Variants in ANK2 observed in about 807,000 individuals in gnomAD.
ANK2 encodes the protein ankyrin-2.
A neutral mutation model predicts 360.5 loss-of-function variants in ANK2; 83 were observed. That is an observed-to-expected ratio of 0.23 (90% CI 0.19 to 0.28). ANK2 has a LOEUF of 0.28. ANK2 is among the 10% of genes least tolerant of loss of function. ANK2 has a pLI of 1.00. For synonymous variants in ANK2, 1,740 were observed against 1,759.5 expected (o/e 0.99, Z 0.28); for missense variants, 4,201 against 4,795.7 (o/e 0.88, Z 3.66).
chr4:113,199,133 A>G, intron 4 of ANK2, 24 bp downstream of exon 4: 1 of 1,531,294 alleles, frequency 6.5e-7, no homozygotes, highest in South Asian at 1.1e-5. Context: ...ATTTTCCCTG[A>G]TGTACATACA....
chr4:113,001,207 T>C (rs564248408), intron 2 of ANK2, among the ~76,000 whole-genome samples: 1 of 151,986 alleles, frequency 6.6e-6, no homozygotes, highest in African/African-American at 2.4e-5. Flanking sequence ...GGCAGGTGCC[T>C]GTAATCCCAG....
At chr4:113,253,058 C>T (rs545520918) in intron 10 of ANK2, among the ~76,000 whole-genome samples, 1 of 152,306 alleles carries the variant, frequency 6.6e-6, no homozygotes, top group South Asian at 2.1e-4. Flanking sequence ...AAGATAATTT[C>T]CAGAGACTCC....
At chr4:113,255,389 G>A (rs1425700293) in intron 10 of ANK2, among the ~76,000 whole-genome samples, 1 of 152,172 alleles carries the variant, frequency 6.6e-6, no homozygotes, top group Non-Finnish European at 1.5e-5. Flanking sequence ...AGACTGCTAT[G>A]CATGGAGTTG....
At chr4:113,253,347 C>G (rs745611763) in intron 10 of ANK2, among the ~76,000 whole-genome samples, 21 of 152,142 alleles carry the variant, frequency 1.4e-4, no homozygotes, top group Non-Finnish European at 2.8e-4. Flanking sequence ...TCGGCACTCA[C>G]TTACTATGAA....
chr4:112,904,917 T>C (rs1326147456), intron 2 of ANK2, among the ~76,000 whole-genome samples: 2 of 152,174 alleles, frequency 1.3e-5, no homozygotes, highest in Non-Finnish European at 2.9e-5. Flanking sequence ...TAATTACTTA[T>C]AAAATTGATT....
intron 2 of ANK2, among the ~76,000 whole-genome samples, chr4:112,953,911 A>ATTAT (rs916775859): frequency 1.3e-5 from 2 of 151,996 alleles, no homozygotes; most frequent in African/African-American, 4.8e-5. Flanking sequence ...ACATAAACAG[A>ATTAT]TTATTTATTT....
chr4:113,361,193 A>G (rs908895640), intron 39 of ANK2, among the ~76,000 whole-genome samples: 6 of 152,146 alleles, frequency 3.9e-5, no homozygotes, highest in Non-Finnish European at 5.9e-5. Flanking sequence ...GGGGGAGATT[A>G]TTATGTTTCA....
At chr4:112,948,308 A>G (rs990837913) in intron 2 of ANK2, among the ~76,000 whole-genome samples, 3 of 152,228 alleles carry the variant, frequency 2.0e-5, no homozygotes, top group African/African-American at 7.2e-5. Context: ...ATTCCAAGTT[A>G]TATCTTGAAC....
At chr4:112,963,303 G>A (rs974395832) in intron 2 of ANK2, among the ~76,000 whole-genome samples, 12 of 152,040 alleles carry the variant, frequency 7.9e-5, no homozygotes, top group Non-Finnish European at 1.8e-4. Flanking sequence ...CACCTTTAGA[G>A]CTTAATAATG....
At chr4:113,118,886 C>T (rs2095111733) in intron 1 of ANK2, among the ~76,000 whole-genome samples, 1 of 152,174 alleles carries the variant, frequency 6.6e-6, no homozygotes, top group Non-Finnish European at 1.5e-5. Context: ...TGTCAGCATT[C>T]AGCTGTGACC....
At chr4:112,719,811 G>A in the ANK2 span, among the ~76,000 whole-genome samples, 1 of 152,120 alleles carries the variant, frequency 6.6e-6, no homozygotes, top group Non-Finnish European at 1.5e-5. Flanking sequence ...ACAGAAGCTG[G>A]TGCTTGAAGG....
chr4:113,292,582 G>C, intron 21 of ANK2, 68 bp downstream of exon 21: 1 of 1,448,350 alleles, frequency 6.9e-7, no homozygotes, highest in Non-Finnish European at 9.5e-7. Flanking sequence ...GTGGCTTCTT[G>C]TCTGAGCTGA....
intron 1 of ANK2, among the ~76,000 whole-genome samples, chr4:113,170,335 C>CT (rs990823839): frequency 6.6e-6 from 1 of 152,208 alleles, no homozygotes; most frequent in Non-Finnish European, 1.5e-5. Context: ...TGCTCAGGCA[C>CT]TTTTGGCTCG....
At chr4:113,278,682 G>A (rs2061154334) in intron 17 of ANK2, 124 bp downstream of exon 17, 1 of 935,894 alleles carries the variant, frequency 1.1e-6, no homozygotes. Flanking sequence ...AGTAGCTTTT[G>A]GTATTGACAC....
intron 1 of ANK2, among the ~76,000 whole-genome samples, chr4:113,115,986 T>C (rs1331895636): frequency 1.3e-5 from 2 of 152,190 alleles, no homozygotes; most frequent in Non-Finnish European, 2.9e-5. Flanking sequence ...TGTCTCCAGC[T>C]AAGAATGAAT....
intron 1 of ANK2, among the ~76,000 whole-genome samples, chr4:113,123,021 G>C (rs1182203605): frequency 6.6e-6 from 1 of 151,502 alleles, no homozygotes; most frequent in Non-Finnish European, 1.5e-5. Context: ...GGCAAAAATA[G>C]TCCCAATTGT....
chr4:112,848,450 C>T (rs1033732779), intron 1 of ANK2, among the ~76,000 whole-genome samples: 1 of 152,198 alleles, frequency 6.6e-6, no homozygotes, highest in African/African-American at 2.4e-5. Context: ...GCATGAGCCA[C>T]CACACCCTGC....
intron 11 of ANK2, among the ~76,000 whole-genome samples, 197 bp from the exon 12 acceptor site, chr4:113,257,853 C>A (rs1224779513): frequency 8.5e-5 from 13 of 152,194 alleles, no homozygotes; most frequent in Admixed American, 8.5e-4. Flanking sequence ...TACGTACAGG[C>A]CCACCACACA....
chr4:112,891,529 A>G (rs780986910), intron 1 of ANK2, among the ~76,000 whole-genome samples: 1 of 152,210 alleles, frequency 6.6e-6, no homozygotes, highest in Non-Finnish European at 1.5e-5. Context: ...CTCATTATTT[A>G]AAAAGCTAGA....
Sources: gnomAD v4.1 joint callset for allele counts (sites outside exome capture counted in the v4.1 genomes callset) on GRCh38, gnomAD v4.1.1 for gene constraint, MANE v1.5 for transcripts, NCBI Gene and HGNC (gene_info 2026-07-23, HGNC 2026-07-21) for gene names.